Variants in ETNK1 observed in about 807,000 individuals in gnomAD.
ETNK1 encodes putative protein product of Nbla10396.
ETNK1 carries 8 observed loss-of-function variants against 45.1 expected under a neutral mutation model. The ratio of observed to expected loss-of-function variants is 0.18; its 90% CI spans 0.10 to 0.32. ETNK1 has a LOEUF of 0.32. Among genes scored for constraint, ETNK1 ranks in the 10% least tolerant of loss-of-function variants. The pLI is 1.00. For synonymous variants in ETNK1, 152 were observed against 151.9 expected (o/e 1.00, Z -0.01); for missense variants, 302 against 430.6 (o/e 0.70, Z 2.64).
At chr12:22,640,506 T>C (rs1383426469) in intron 1 of ETNK1, among the ~76,000 whole-genome samples, 2 of 152,136 alleles carry the variant, frequency 1.3e-5, no homozygotes, top group Non-Finnish European at 2.9e-5. Context: ...ATTGTTGTTT[T>C]TAAATATTGT....
chr12:22,673,624 AG>A lies in ETNK1; in HGVS notation c.910del (p.Glu304LysfsTer23). ...GGACTGAAGTTACTGAAAAGGAGGT[AG>A]AAATACTCTTCATTCAAGTCAATCA... ...FGTEVTEKEV[E>X]ILFIQVNQFA... On this transcript the variant is annotated frameshift_variant, in exon 6 of 8. Transcript: ENST00000266517. LOFTEE classifies it high-confidence loss of function. 6.2e-7 allele frequency: 1 copy of A among 1,613,960 alleles called. No homozygotes were observed. The highest frequency in any genetic ancestry group is 8.5e-7 in the Non-Finnish European group (1 of 1,179,904).
chr12:22,686,073 A>G lies in ETNK1; in HGVS notation c.*1119A>G, dbSNP rs950503151. On this transcript the variant is annotated 3_prime_UTR_variant, in exon 8 of 8. Coordinates refer to ENST00000266517, the MANE Select transcript of ETNK1 (RefSeq NM_018638.5). ...AGGCAGTTATATAATTAAATAAGGA[A>G]CACTTAGGGCATTGATCTTGTACAC... 1 of 152,314 alleles carries G rather than the reference A, an allele frequency of 6.6e-6. No homozygotes were observed. The highest frequency in any genetic ancestry group is 2.4e-5 in the African/African-American group (1 of 41,414). 9.4% of individuals were successfully genotyped at this position (152,314 alleles called of 1,614,324 possible).
At position 22,625,527 on chromosome 12, in the gene ETNK1, G is replaced by C; in HGVS notation, c.97G>C (p.Ala33Pro). Residue 33 changes from alanine (A) to proline (P), a missense_variant, in exon 1 of 8, where the codon GCC becomes CCC. Coordinates refer to ENST00000266517, the MANE Select transcript of ETNK1 (RefSeq NM_018638.5). ...DQEEHRCREGALSLLQHLRPH... is the reference protein window; with the variant it reads ...DQEEHRCREGPLSLLQHLRPH... ...GGAGGAGCATCGCTGCCGGGAGGGG[G>C]CCCTGAGCCTCCTGCAACACCTGCG... 1 of 1,606,042 alleles carries C rather than the reference G, an allele frequency of 6.2e-7. No homozygotes were observed. Among genetic ancestry groups the C allele is most frequent in the South Asian group, 1.1e-5 (1 of 89,888 alleles).
At chr12:22,684,139 A>G (rs1009066969) in intron 6 of ETNK1, among the ~76,000 whole-genome samples, 1 of 152,144 alleles carries the variant, frequency 6.6e-6, no homozygotes, top group African/African-American at 2.4e-5. Flanking sequence ...CCTTTGATAT[A>G]ATAATGTGTA....
chr12:22,643,954 A>T lies in ETNK1; in HGVS notation c.348A>T (p.Gly116=). Residue 116 remains glycine, a synonymous_variant, in exon 2 of 8, where the codon GGA becomes GGT. Coordinates refer to ENST00000266517, the MANE Select transcript of ETNK1 (RefSeq NM_018638.5). ...APQLYCTFNN[G]LCYEFIQGEA... ...AACTCTACTGTACCTTCAATAATGG[A>T]CTATGCTATGAATTTATACAAGGAG... is the stretch of plus-strand genomic sequence containing the variant. 2.5e-6 allele frequency: 4 copies of T among 1,613,340 alleles called. No homozygotes were observed. Among genetic ancestry groups the T allele is most frequent in the Non-Finnish European group, 3.4e-6 (4 of 1,179,448 alleles).
intron 1 of ETNK1, among the ~76,000 whole-genome samples, chr12:22,627,450 C>T (rs1953517188): frequency 6.6e-6 from 1 of 152,100 alleles, no homozygotes; most frequent in African/African-American, 2.4e-5. Context: ...CCTCCATGTG[C>T]AAGCAAAGCT....
intron 2 of ETNK1, among the ~76,000 whole-genome samples, chr12:22,645,000 A>G (rs1416615520): frequency 1.3e-5 from 2 of 152,040 alleles, no homozygotes; most frequent in East Asian, 3.9e-4. Context: ...AATATATTAA[A>G]ATATTTTGTC....
At chr12:22,683,136 C>A (rs1954228978) in intron 6 of ETNK1, among the ~76,000 whole-genome samples, 1 of 152,134 alleles carries the variant, frequency 6.6e-6, no homozygotes, top group Non-Finnish European at 1.5e-5. Context: ...TAAAGCCACA[C>A]GCCAGAGCCC....
At position 22,625,483 on chromosome 12, in the gene ETNK1, A is replaced by G. The variant is rs373330052; in HGVS notation, c.53A>G (p.Asn18Ser). The G allele has an allele frequency of 3.1e-5, 50 of 1,604,738 alleles. No homozygotes were observed. The highest frequency in any genetic ancestry group is 4.2e-5 in the Non-Finnish European group (49 of 1,176,336). Residue 18 changes from asparagine to serine, a missense_variant, in exon 1 of 8, where the codon AAC becomes AGC. Around this residue, in one of 3 missense-constraint regions of ETNK1, gnomAD observed 205 missense variants for 259.9 expected, o/e 0.79. Transcript: ENST00000266517. ...GGCTCCCCGGAGGTGCCCAAGCTGA[A>G]CGTCACCGTTCAGGATCAGGAGGAG... ...PPGSPEVPKL[N>S]VTVQDQEEHR...
chr12:22,636,708 A>G (rs764199574), intron 1 of ETNK1, among the ~76,000 whole-genome samples: 1 of 152,176 alleles, frequency 6.6e-6, no homozygotes, highest in African/African-American at 2.4e-5. Context: ...TGTACTGAAC[A>G]TGTGCAGATA....
intron 6 of ETNK1, among the ~76,000 whole-genome samples, chr12:22,674,333 T>A (rs1010049459): frequency 4.6e-5 from 7 of 152,214 alleles, no homozygotes; most frequent in African/African-American, 1.7e-4. Flanking sequence ...GCTTTTTGGT[T>A]TTAATATAAT....
Position 22,690,172 on chromosome 12 carries a change from AT to A in ETNK1, c.*5219del, listed in dbSNP as rs1954291838. On this transcript the variant is annotated 3_prime_UTR_variant, in exon 8 of 8. Transcript: ENST00000266517. ...CCATAGTAGTATAATGCTGCTTTGTATATAATGTAAGTGCTACAAATAGTCT... is the reference window on the plus strand; with the variant it reads ...CCATAGTAGTATAATGCTGCTTTGTAATAATGTAAGTGCTACAAATAGTCT... 1 of 152,514 alleles carries A rather than the reference AT, an allele frequency of 6.6e-6. No homozygotes were observed. The highest frequency in any genetic ancestry group is 1.5e-5 in the Non-Finnish European group (1 of 67,920). The allele number at this position is 152,514 out of a possible 1,614,324, so 9.4% of individuals were successfully genotyped here. A position where few individuals can be genotyped will look rare whatever the true frequency, so the allele number is the denominator to read the frequency against.
chr12:22,665,449 A>G (rs1005255043), intron 4 of ETNK1, among the ~76,000 whole-genome samples: 1 of 152,182 alleles, frequency 6.6e-6, no homozygotes, highest in Non-Finnish European at 1.5e-5. Flanking sequence ...AAGATTTTAG[A>G]TCATGCATAT....
intron 6 of ETNK1, among the ~76,000 whole-genome samples, chr12:22,680,894 C>CA (rs1954208510): frequency 2.0e-5 from 1 of 50,516 alleles, no homozygotes; most frequent in African/African-American, 7.1e-5. Flanking sequence ...TTTTCTTCCC[C>CA]CGCCCCCCCC....
At chr12:22,661,392 A>G (rs529230783) in intron 4 of ETNK1, among the ~76,000 whole-genome samples, 187 bp downstream of exon 4, 7 of 152,248 alleles carry the variant, frequency 4.6e-5, no homozygotes, top group South Asian at 2.1e-4. Context: ...TTCTTTTTAT[A>G]TTTGTATAAA....
At chr12:22,644,694 TAAAA>T (rs1953784466) in intron 2 of ETNK1, 1 of 152,684 alleles carries the variant, frequency 6.5e-6, no homozygotes, top group Admixed American at 6.6e-5. Flanking sequence ...TATTAGATAT[TAAAA>T]CAAATTTTTT....
chr12:22,663,246 T>G (rs1469397039), intron 4 of ETNK1, among the ~76,000 whole-genome samples: 1 of 152,180 alleles, frequency 6.6e-6, no homozygotes, highest in Admixed American at 6.5e-5. Flanking sequence ...TAAAGCAGTG[T>G]ATGAGCTTGT....
chr12:22,683,430 G>A (rs1307413857), intron 6 of ETNK1, among the ~76,000 whole-genome samples: 1 of 151,760 alleles, frequency 6.6e-6, no homozygotes, highest in African/African-American at 2.4e-5. Context: ...AGTGCAGAGT[G>A]CTTTTTAAAT....
Position 22,643,972 on chromosome 12 carries a change from A to G in ETNK1, c.366A>G (p.Ile122Met), listed in dbSNP as rs1953773188. The G allele has an allele frequency of 6.2e-7, 1 of 1,612,764 alleles. No individual in the cohort carries two copies. Among genetic ancestry groups the G allele is most frequent in the Non-Finnish European group, 8.5e-7 (1 of 1,178,964 alleles). ...TFNNGLCYEF[I>M]QGEALDPKHV... ...ATAATGGACTATGCTATGAATTTATACAAGGAGAAGCACTGGATCCAAAGC... is the reference window on the plus strand; with the variant it reads ...ATAATGGACTATGCTATGAATTTATGCAAGGAGAAGCACTGGATCCAAAGC... The change falls in exon 2 of 8, where the codon ATA becomes ATG. Residue 122 changes from isoleucine (I) to methionine (M), a missense_variant. This residue lies in a region of ETNK1 where 205 missense variants were observed against 259.9 expected (regional missense o/e 0.79). Transcript: ENST00000266517.
Sources: gnomAD v4.1 joint callset for allele counts (sites outside exome capture counted in the v4.1 genomes callset) on GRCh38, gnomAD v4.1.1 for gene constraint, gnomAD v4.1.1 regional missense constraint, MANE v1.5 for transcripts, NCBI Gene and HGNC (gene_info 2026-07-23, HGNC 2026-07-21) for gene names.